The following POLQ variants were observed in gnomAD, a reference collection of about 807,000 sequenced individuals.
POLQ encodes epididymis secretory sperm binding protein.
A neutral mutation model predicts 259.2 loss-of-function variants in POLQ; 233 were observed. The ratio of observed to expected loss-of-function variants is 0.90; its 90% CI spans 0.81 to 1.00. The LOEUF is 1.00. Ranked by LOEUF, POLQ falls within the 50% of genes least tolerant of loss-of-function variation. The pLI, the probability that POLQ is intolerant of heterozygous loss-of-function variation, is 0.00. For missense variants in POLQ, 2,871 were observed against 3,051.6 expected, an observed-to-expected ratio of 0.94 and a Z score of 1.39; for synonymous variants, 1,025 against 1,048.8, an observed-to-expected ratio of 0.98 and a Z score of 0.44.
rs1363420540 is a variant in POLQ at position 121,432,421 on chromosome 3, A to AG, written c.7660-5dup. On this transcript the variant is annotated splice_polypyrimidine_tract_variant and splice_region_variant and intron_variant, in intron 29 of 29. Transcript: ENST00000264233. ...CATTCTTGACAATCTGAGCTACCTA[A>AG]GGAAAAAAAAAATGTAGTTAACAAA... is the stretch of plus-strand genomic sequence containing the variant. The AG allele has an allele frequency of 6.9e-6, 11 of 1,600,964 alleles. No individual in the cohort carries two copies. Among genetic ancestry groups the AG allele is most frequent in the Non-Finnish European group, 8.5e-6 (10 of 1,175,738 alleles).
intron 26 of POLQ, among the ~76,000 whole-genome samples, chr3:121,443,012 C>T (rs2047606359): frequency 6.6e-6 from 1 of 152,136 alleles, no homozygotes; most frequent in African/African-American, 2.4e-5. Flanking sequence ...TGCCCACTAC[C>T]ATGCCCGGCT....
rs146629376 is a variant in POLQ at position 121,509,683 on chromosome 3, G to A, written c.1837C>T (p.His613Tyr). The A allele has an allele frequency of 2.2e-5, 35 of 1,613,556 alleles. No homozygotes were observed. The African/African-American group carries it at 4.5e-4, about 21-fold the overall frequency. The change falls in exon 12 of 30, where the codon CAT becomes TAT. Residue 613 changes from histidine to tyrosine, a missense_variant. By Grantham distance (83) the His-to-Tyr change is moderately conservative. Around this residue, in one of 3 missense-constraint regions of POLQ, gnomAD observed 783 missense variants for 906.2 expected, o/e 0.86. Transcript: ENST00000264233. The stretch of plus-strand genomic sequence containing the variant: ...GAAGAAAGAGTGGCCGAACCAAGAT[G>A]TGTTGGATGATACACCTTTCCTGGT... ...GTEGKVYHPT[H>Y]LGSATLSSSL...
intron 25 of POLQ, among the ~76,000 whole-genome samples, chr3:121,457,125 C>A (rs1160461848): frequency 1.3e-5 from 2 of 152,232 alleles, no homozygotes; most frequent in South Asian, 2.1e-4. Context: ...GAAAAACAAG[C>A]AATGGGGAAA....
chr3:121,463,251 T>G (rs536626659), intron 24 of POLQ, among the ~76,000 whole-genome samples: 1 of 152,208 alleles, frequency 6.6e-6, no homozygotes, highest in Non-Finnish European at 1.5e-5. Context: ...GATGGTTTTA[T>G]AAATGGGAGT....
intron 12 of POLQ, among the ~76,000 whole-genome samples, chr3:121,504,455 C>A (rs1248626176): frequency 6.6e-6 from 1 of 152,090 alleles, no homozygotes; most frequent in African/African-American, 2.4e-5. Context: ...GTGAAATCTA[C>A]TAAACATTTA....
chr3:121,507,509 T>C (rs567291331), intron 12 of POLQ, among the ~76,000 whole-genome samples: 2 of 152,228 alleles, frequency 1.3e-5, no homozygotes, highest in South Asian at 4.2e-4. Context: ...GGTGGATCAC[T>C]TGAGGTCAGG....
intron 7 of POLQ, among the ~76,000 whole-genome samples, chr3:121,522,381 GGC>G (rs1207147846): frequency 1.4e-5 from 1 of 71,886 alleles, no homozygotes; most frequent in Non-Finnish European, 2.8e-5. Context: ...GCGCAATCTC[GGC>G]TCACTGCAAG....
At chr3:121,537,485 C>T (rs530986475) in intron 4 of POLQ, among the ~76,000 whole-genome samples, 17 of 152,214 alleles carry the variant, frequency 1.1e-4, no homozygotes, top group Non-Finnish European at 1.0e-4. Flanking sequence ...TTTCTGTTGT[C>T]GCTATCTTTA....
Position 121,489,822 on chromosome 3 carries a change from T to C in POLQ, c.3109A>G (p.Arg1037Gly), listed in dbSNP as rs71541972. ...PLNFNSEKMS[R>G]SFRSWKRRKH... Reference sequence around the variant, plus strand: ...CTACGTTTCCAAGATCGAAAACTTCTGCTCATCTTTTCTGAATTGAAATTC... The same window carrying C: ...CTACGTTTCCAAGATCGAAAACTTCCGCTCATCTTTTCTGAATTGAAATTC... Residue 1037 changes from arginine to glycine, a missense_variant, in exon 16 of 30, where the codon AGA becomes GGA. Around this residue, in one of 3 missense-constraint regions of POLQ, gnomAD observed 2,080 missense variants for 2,126.0 expected, o/e 0.98. Transcript: ENST00000264233. The C allele has an allele frequency of 1.2e-6, 2 of 1,612,534 alleles. No homozygotes were observed. Among genetic ancestry groups the C allele is most frequent in the Non-Finnish European group, 1.7e-6 (2 of 1,179,720 alleles).
intron 14 of POLQ, chr3:121,494,914 C>T (rs1275694654): frequency 4.0e-6 from 5 of 1,241,876 alleles, no homozygotes; most frequent in East Asian, 2.3e-5. Context: ...GTTAAATGTA[C>T]ACTGTTGAGT....
chr3:121,444,374 C>T (rs534498811), intron 26 of POLQ, among the ~76,000 whole-genome samples: 10 of 152,070 alleles, frequency 6.6e-5, no homozygotes, highest in Admixed American at 4.6e-4. Context: ...GATTACTTTC[C>T]GGATTTCTTT....
chr3:121,501,431 G>A (rs1349374429), intron 12 of POLQ, among the ~76,000 whole-genome samples: 7 of 150,724 alleles, frequency 4.6e-5, no homozygotes, highest in East Asian at 2.0e-4. Flanking sequence ...AGGCCGAGGC[G>A]GGCGGATCAC....
rs1034600412 is a variant in POLQ, at chr3:121,489,763, G to A, written c.3168C>T (p.Pro1056=). Residue 1056 remains proline, a synonymous_variant, in exon 16 of 30, where the codon CCC becomes CCT. Coordinates refer to ENST00000264233, the MANE Select transcript of POLQ (RefSeq NM_199420.4). ...TTCTACACGCTCCAGAGTCTTTCAG[G>A]GGGCTGCTGTCCCTAGATCGCTTTA... ...KHLKRSRDSS[P]LKDSGACRIH... is the part of the protein sequence containing the mutation. The A allele has an allele frequency of 1.2e-6, 2 of 1,612,068 alleles. No individual in the cohort carries two copies. The highest frequency in any genetic ancestry group is 1.7e-6 in the Non-Finnish European group (2 of 1,179,724).
In POLQ at chr3:121,483,440, T is replaced by C. The variant is rs143180800; in HGVS notation, c.5916A>G (p.Lys1972=). Residue 1972 remains lysine, a synonymous_variant, in exon 18 of 30, where the codon AAA becomes AAG. Coordinates refer to ENST00000264233, the MANE Select transcript of POLQ (RefSeq NM_199420.4). ...AGATGCCACAAGAAAGAAGAAGAATTTTATAGCTCTGGATGAAGTCATAGA... is the reference window on the plus strand; with the variant it reads ...AGATGCCACAAGAAAGAAGAAGAATCTTATAGCTCTGGATGAAGTCATAGA... The part of the protein sequence containing the change: ...VVIYDFIQSY[K]ILLLSCGISL... The C allele has an allele frequency of 1.5e-5, 24 of 1,593,514 alleles. No individual in the cohort carries two copies. In the African/African-American group the frequency reaches 3.2e-4, roughly 22 times the overall value.
intron 25 of POLQ, among the ~76,000 whole-genome samples, chr3:121,453,633 G>C (rs942184400): frequency 9.2e-5 from 14 of 152,170 alleles, no homozygotes; most frequent in Admixed American, 3.9e-4. Context: ...TGGAAGAAAG[G>C]GTATCAGTGA....
intron 26 of POLQ, among the ~76,000 whole-genome samples, chr3:121,448,644 C>A (rs1017888923): frequency 4.6e-5 from 7 of 152,050 alleles, no homozygotes; most frequent in African/African-American, 1.7e-4. Context: ...GGATTACAGA[C>A]GTGAGCCACC....
At chr3:121,472,408 A>G (rs2047891100) in intron 21 of POLQ, among the ~76,000 whole-genome samples, 1 of 152,214 alleles carries the variant, frequency 6.6e-6, no homozygotes, top group African/African-American at 2.4e-5. Context: ...AAAATAAATG[A>G]ATTGTCAGTT....
In POLQ at chr3:121,449,425, A is replaced by G; in HGVS notation, c.7154T>C (p.Ile2385Thr). The G allele has an allele frequency of 6.7e-7, 1 of 1,486,492 alleles. No individual in the cohort carries two copies. The highest frequency in any genetic ancestry group is 9.4e-7 in the Non-Finnish European group (1 of 1,063,776). The allele number at this position is 1,486,492 out of a possible 1,614,324, so 92.1% of individuals were successfully genotyped here. A position where few individuals can be genotyped will look rare whatever the true frequency, so the allele number is the denominator to read the frequency against. The change falls in exon 26 of 30, where the codon ATT (isoleucine) becomes ACT (threonine). Residue 2385 changes from isoleucine (I) to threonine (T), a missense_variant and splice_region_variant. Around this residue, in one of 3 missense-constraint regions of POLQ, gnomAD observed 2,080 missense variants for 2,126.0 expected, o/e 0.98. Transcript: ENST00000264233. Reference protein sequence around the residue: ...GDDLRQQAKQICYGIIYGMGA... With the variant: ...GDDLRQQAKQTCYGIIYGMGA... ...CATTCCATAAATGATCCCATAGCAA[A>G]TCTGAAAGGGAGTCATCCAACAAAT...
chr3:121,514,022 CAAAAAA>C (rs1185320178), intron 9 of POLQ, among the ~76,000 whole-genome samples: 1 of 27,658 alleles, frequency 3.6e-5, no homozygotes, highest in South Asian at 1.2e-3. Flanking sequence ...AACTCCATCT[CAAAAAA>C]AAAAAAAAAA....
Sources: gnomAD v4.1 joint callset for allele counts (sites outside exome capture counted in the v4.1 genomes callset) on GRCh38, gnomAD v4.1.1 for gene constraint, gnomAD v4.1.1 regional missense constraint, MANE v1.5 for transcripts, NCBI Gene and HGNC (gene_info 2026-07-23, HGNC 2026-07-21) for gene names.